Variants in PAICS observed in about 807,000 individuals in gnomAD.
PAICS encodes the protein bifunctional phosphoribosylaminoimidazole carboxylase/phosphoribosylaminoimidazole succinocarboxamide synthetase.
A neutral mutation model predicts 53.7 loss-of-function variants in PAICS; 33 were observed. The ratio of observed to expected loss-of-function variants is 0.61; its 90% CI spans 0.47 to 0.82. PAICS has a LOEUF of 0.82. Ranked by LOEUF, PAICS falls within the 40% of genes least tolerant of loss-of-function variation. PAICS has a pLI of 0.00. For synonymous variants in PAICS, 141 were observed against 167.2 expected, an observed-to-expected ratio of 0.84 and a Z score of 1.21; for missense variants, 394 against 494.1, an observed-to-expected ratio of 0.80 and a Z score of 1.92.
At chr4:56,438,046 A>C (rs183539293) in intron 1 of PAICS, among the ~76,000 whole-genome samples, 1 of 152,016 alleles carries the variant, frequency 6.6e-6, no homozygotes, top group South Asian at 2.1e-4. Context: ...TATGGTCTCT[A>C]AAAGGCAAAA....
At position 56,452,015 on chromosome 4, in the gene PAICS, A is replaced by C; in HGVS notation, c.915A>C (p.Gly305=). Residue 305 remains glycine (G), a synonymous_variant, in exon 7 of 9, where the codon GGA becomes GGC. Transcript: ENST00000512576. The stretch of plus-strand genomic sequence containing the variant: ...TTCGAGTAACATCTGCGCATAAAGG[A>C]CCAGATGAAACTCTGAGGATTAAAG... ...CELRVTSAHK[G]PDETLRIKAE... The C allele has an allele frequency of 6.2e-7, 1 of 1,608,652 alleles. No individual in the cohort carries two copies. Among genetic ancestry groups the C allele is most frequent in the South Asian group, 1.1e-5 (1 of 89,844 alleles).
upstream of PAICS, among the ~76,000 whole-genome samples, chr4:56,435,020 G>A (rs554054205): frequency 6.6e-6 from 1 of 152,332 alleles, no homozygotes; most frequent in South Asian, 2.1e-4. Context: ...TGCAGTCGGG[G>A]AGGAGCCCTG....
At position 56,459,644 on chromosome 4, in the gene PAICS, T is replaced by C; in HGVS notation, c.*106T>C. 2.5e-6 allele frequency: 2 copies of C among 794,320 alleles called. No individual in the cohort carries two copies. The highest frequency in any genetic ancestry group is 4.0e-6 in the Non-Finnish European group (2 of 506,076). 49.2% of individuals were successfully genotyped at this position (794,320 alleles called of 1,614,324 possible). On this transcript the variant is annotated 3_prime_UTR_variant, in exon 9 of 9. Transcript: ENST00000512576. The stretch of plus-strand genomic sequence containing the variant: ...GTAATTTTAAATTAGAGAACACAAA[T>C]AAAATGTATTAGTGAATAAATGCTT...
intron 1 of PAICS, among the ~76,000 whole-genome samples, chr4:56,437,725 G>A (rs1435227501): frequency 6.7e-6 from 1 of 148,492 alleles, no homozygotes; most frequent in Non-Finnish European, 1.5e-5. Flanking sequence ...GGAACCTGAG[G>A]CAGGAGAATC....
chr4:56,417,390 T>G, the PAICS span, among the ~76,000 whole-genome samples: 1 of 151,976 alleles, frequency 6.6e-6, no homozygotes, highest in Non-Finnish European at 1.5e-5. Context: ...GACTTAAAAC[T>G]CATGAACCTG....
chr4:56,412,304 A>G, the PAICS span, among the ~76,000 whole-genome samples: 1 of 147,308 alleles, frequency 6.8e-6, no homozygotes, highest in Non-Finnish European at 1.5e-5. Context: ...CTATTCTCCC[A>G]TCACCTTTTT....
chr4:56,440,099 T>C (rs187826741), intron 1 of PAICS, among the ~76,000 whole-genome samples: 1 of 152,340 alleles, frequency 6.6e-6, no homozygotes, highest in African/African-American at 2.4e-5. Flanking sequence ...GGTTAAAGTC[T>C]AAACTCAATC....
At chr4:56,435,806 C>T, upstream of PAICS, 2 of 1,511,626 alleles carry the variant, frequency 1.3e-6, no homozygotes, top group Admixed American at 1.8e-5. Flanking sequence ...TGGAAATCTC[C>T]GTTATTTTCC....
intron 5 of PAICS, among the ~76,000 whole-genome samples, chr4:56,449,829 A>G (rs2110091143): frequency 6.8e-6 from 1 of 146,746 alleles, no homozygotes; most frequent in South Asian, 2.2e-4. Flanking sequence ...AAAAAAAATT[A>G]GCCAGGCATG....
chr4:56,447,180 T>C (rs1718666902), intron 3 of PAICS, among the ~76,000 whole-genome samples: 1 of 151,962 alleles, frequency 6.6e-6, no homozygotes, highest in Non-Finnish European at 1.5e-5. Context: ...TTTTATATTC[T>C]AATACAGGAA....
chr4:56,452,117 T>G (rs1225619939), intron 7 of PAICS, 65 bp downstream of exon 7: 1 of 1,006,670 alleles, frequency 9.9e-7, no homozygotes, highest in South Asian at 1.6e-5. Flanking sequence ...TTACACACTT[T>G]AGACTAATAA....
the PAICS span, among the ~76,000 whole-genome samples, chr4:56,417,095 C>T: frequency 4.6e-5 from 7 of 152,248 alleles, no homozygotes; most frequent in East Asian, 1.9e-4. Context: ...GTGATCCACC[C>T]GCCTCGGCCT....
chr4:56,426,833 C>G, the PAICS span, among the ~76,000 whole-genome samples: 1 of 152,174 alleles, frequency 6.6e-6, no homozygotes, highest in South Asian at 2.1e-4. Context: ...CATCACCACT[C>G]TCCATCTCCA....
At chr4:56,437,256 GGTGT>G (rs57161391) in intron 1 of PAICS, among the ~76,000 whole-genome samples, 6,542 of 124,246 alleles carry the variant, frequency 0.053, 220 homozygotes, top group African/African-American at 0.096. Context: ...ATGCCATGAT[GGTGT>G]GTGTGTGTGT....
At chr4:56,416,682 A>G in the PAICS span, among the ~76,000 whole-genome samples, 113 of 152,330 alleles carry the variant, frequency 7.4e-4, 1 homozygote, top group South Asian at 0.023. Flanking sequence ...ATATTATAAG[A>G]AATCTGATGG....
At chr4:56,415,659 A>G in the PAICS span, among the ~76,000 whole-genome samples, 1 of 152,230 alleles carries the variant, frequency 6.6e-6, no homozygotes, top group African/African-American at 2.4e-5. Flanking sequence ...ACATGCCAAA[A>G]AAACAGCATT....
chr4:56,435,385 A>C, upstream of PAICS: 1 of 1,613,434 alleles, frequency 6.2e-7, no homozygotes, highest in Non-Finnish European at 8.5e-7. Flanking sequence ...GAGTGATCAC[A>C]TGCGGTACAT....
Position 56,453,546 on chromosome 4 carries a change from C to T in PAICS, c.953-57C>T, listed in dbSNP as rs963204165. On this transcript the variant is annotated intron_variant, in intron 7 of 8. Coordinates refer to ENST00000512576, the MANE Select transcript of PAICS (RefSeq NM_001079524.2). ...CTTAAACCAAAAAAAAAAAAAAACCCTGTCTTTAAATCTGTTTTGAATGTT... is the reference window on the plus strand; with the variant it reads ...CTTAAACCAAAAAAAAAAAAAAACCTTGTCTTTAAATCTGTTTTGAATGTT... 4.0e-6 allele frequency: 5 copies of T among 1,250,042 alleles called. No individual in the cohort carries two copies. In the African/African-American group the frequency reaches 7.8e-5, roughly 19 times the overall value. 77.4% of individuals were successfully genotyped at this position (1,250,042 alleles called of 1,614,324 possible).
At chr4:56,451,839 TG>T in intron 6 of PAICS, 32 bp from the exon 7 acceptor site, 1 of 1,397,488 alleles carries the variant, frequency 7.2e-7, no homozygotes, top group Non-Finnish European at 9.6e-7. Flanking sequence ...TTTGTTTTTA[TG>T]TTCTTTTCAT....
Sources: allele counts gnomAD v4.1 joint callset (sites outside exome capture counted in the v4.1 genomes callset), GRCh38; gene constraint gnomAD v4.1.1; transcripts MANE v1.5; gene names NCBI Gene and HGNC (gene_info 2026-07-23, HGNC 2026-07-21).